The following NT5DC1 variants were observed in gnomAD, a reference collection of about 807,000 sequenced individuals.
NT5DC1 encodes 5'-nucleotidase domain-containing protein 1.
A neutral mutation model predicts 59.4 loss-of-function variants in NT5DC1; 42 were observed. That is an observed-to-expected ratio of 0.71 (90% CI 0.55 to 0.92). NT5DC1 has a LOEUF of 0.92. Ranked by LOEUF, NT5DC1 falls within the 40% of genes least tolerant of loss-of-function variation. The pLI is 0.00. For synonymous variants in NT5DC1, 172 were observed against 188.1 expected, an observed-to-expected ratio of 0.91 and a Z score of 0.70; for missense variants, 501 against 537.1, an observed-to-expected ratio of 0.93 and a Z score of 0.66.
intron 6 of NT5DC1, chr6:116,121,015 A>C: frequency 3.1e-6 from 5 of 1,613,824 alleles, no homozygotes; most frequent in Non-Finnish European, 3.4e-6. Context: ...CTGCAGGCCC[A>C]GCTGGCCCTG....
chr6:116,215,151 C>G (rs1311701845), intron 6 of NT5DC1, among the ~76,000 whole-genome samples: 1 of 152,090 alleles, frequency 6.6e-6, no homozygotes, highest in Non-Finnish European at 1.5e-5. Flanking sequence ...GCTCTACAAT[C>G]TAATCACCTA....
rs140973267 is a variant in NT5DC1, at chr6:116,170,839, G to T, written c.530-50215G>T. Among the ~76,000 whole-genome samples, 20 of 152,194 alleles carry T rather than the reference G, an allele frequency of 1.3e-4. No individual in the cohort carries two copies. The South Asian group carries it at 3.7e-3, about 28-fold the overall frequency. On this transcript the variant is annotated intron_variant, in intron 6 of 11. Transcript: ENST00000319550. The stretch of plus-strand genomic sequence containing the variant: ...CTTGCAGTTCTCACTCCCACCTGCC[G>T]TGTAGCCTATCCTCATTATCTGTCA...
chr6:116,240,553 G>T (rs1055072709), intron 11 of NT5DC1, among the ~76,000 whole-genome samples: 2 of 151,508 alleles, frequency 1.3e-5, no homozygotes, highest in Non-Finnish European at 2.9e-5. Flanking sequence ...GGAGATGAGA[G>T]AATAAGTGAG....
At position 116,116,566 on chromosome 6, in the gene NT5DC1, C is replaced by T. The variant is rs369135101; in HGVS notation, c.444+796C>T. Among the ~76,000 whole-genome samples, 73 of 152,162 alleles carry T rather than the reference C, an allele frequency of 4.8e-4. 1 individual carries two copies. Among genetic ancestry groups the T allele is most frequent in the Middle Eastern group, 3.4e-3 (1 of 294 alleles). On this transcript the variant is annotated intron_variant, in intron 5 of 11. Transcript: ENST00000319550. ...CTGAGGCAGGAGAATTGCTTAAACC[C>T]GGGAGGCAGATGTTGCAGTGAGCCG...
rs531748734 is a variant in NT5DC1 at position 116,171,433 on chromosome 6, C to T, written c.530-49621C>T. Among the ~76,000 whole-genome samples, 11 of 152,194 alleles carry T rather than the reference C, an allele frequency of 7.2e-5. No individual in the cohort carries two copies. In the South Asian group the frequency reaches 2.3e-3, roughly 32 times the overall value. ...TTGGAATATACTTTATAAAAAAAGC[C>T]AGGCTGTGCAAGTGTTAGTGGTGGT... On this transcript the variant is annotated intron_variant, in intron 6 of 11. Transcript: ENST00000319550.
chr6:116,119,160 C>A (rs1308473025), intron 6 of NT5DC1: 2 of 152,612 alleles, frequency 1.3e-5, no homozygotes, highest in African/African-American at 4.8e-5. Flanking sequence ...AATAATATAT[C>A]TCCACTTCTA....
chr6:116,239,783 A>G (rs1782188442), intron 11 of NT5DC1, among the ~76,000 whole-genome samples: 1 of 152,214 alleles, frequency 6.6e-6, no homozygotes, highest in Non-Finnish European at 1.5e-5. Flanking sequence ...ATTTCTAAAA[A>G]CAATTCATAT....
intron 6 of NT5DC1, among the ~76,000 whole-genome samples, chr6:116,174,810 A>G (rs1441302895): frequency 2.0e-5 from 3 of 152,206 alleles, no homozygotes. Context: ...CACTGGTACC[A>G]TAAAGCATGG....
chr6:116,231,130 CTA>C (rs1782011033), intron 8 of NT5DC1, among the ~76,000 whole-genome samples: 1 of 109,480 alleles, frequency 9.1e-6, no homozygotes, highest in Non-Finnish European at 1.8e-5. Flanking sequence ...AAAAAAAGAA[CTA>C]TGAATGAATG....
intron 1 of NT5DC1, among the ~76,000 whole-genome samples, chr6:116,103,791 GT>G: frequency 6.6e-6 from 1 of 152,272 alleles, no homozygotes; most frequent in Admixed American, 6.5e-5. Context: ...ATGACACATG[GT>G]TTCTCCTCTC....
chr6:116,165,763 A>C (rs749033885), intron 6 of NT5DC1, among the ~76,000 whole-genome samples: 14 of 152,298 alleles, frequency 9.2e-5, no homozygotes, highest in Non-Finnish European at 1.5e-4. Flanking sequence ...CTTAGGGCTG[A>C]ATGTCTGGAA....
In NT5DC1 at chr6:116,238,187, G is replaced by A. The variant is rs762242831; in HGVS notation, c.922G>A (p.Val308Ile). The A allele has an allele frequency of 6.2e-7, 1 of 1,606,488 alleles. No homozygotes were observed. The highest frequency in any genetic ancestry group is 2.2e-5 in the East Asian group (1 of 44,492). Residue 308 changes from valine to isoleucine, a missense_variant and splice_region_variant, in exon 10 of 12, where the codon GTT (valine) becomes ATT (isoleucine). Coordinates refer to ENST00000319550, the MANE Select transcript of NT5DC1 (RefSeq NM_152729.3). ...ACAGCATCTGCTATCTGTCTTACAG[G>A]TTGTTTATTTTGGTGACAGCATGCA... The part of the protein sequence containing the change: ...KKMTGKPEPK[V>I]VYFGDSMHSD...
intron 11 of NT5DC1, among the ~76,000 whole-genome samples, chr6:116,242,412 A>G (rs142880120): frequency 3.3e-5 from 5 of 152,238 alleles, no homozygotes; most frequent in Admixed American, 3.3e-4. Flanking sequence ...TATCTGAGAC[A>G]TAAGGATTCA....
intron 6 of NT5DC1, among the ~76,000 whole-genome samples, chr6:116,201,445 G>A (rs1180598220): frequency 1.3e-5 from 2 of 151,950 alleles, no homozygotes; most frequent in East Asian, 1.9e-4. Flanking sequence ...TCTGTAATCC[G>A]TTGGTGGAGA....
Position 116,115,682 on chromosome 6 carries a change from C to G in NT5DC1, c.365-9C>G, listed in dbSNP as rs763200056. The stretch of plus-strand genomic sequence containing the variant: ...GTTGTTCCCAGTTTAAAATTTTGTT[C>G]TTTTTTAGGAAAGTATTACTTTTAC... On this transcript the variant is annotated splice_polypyrimidine_tract_variant and intron_variant, in intron 4 of 11. Coordinates refer to ENST00000319550, the MANE Select transcript of NT5DC1 (RefSeq NM_152729.3). 1 of 1,509,550 alleles carries G rather than the reference C, an allele frequency of 6.6e-7. No homozygotes were observed. The highest frequency in any genetic ancestry group is 9.2e-7 in the Non-Finnish European group (1 of 1,085,594). The allele number at this position is 1,509,550 out of a possible 1,614,324, so 93.5% of individuals were successfully genotyped here.
intron 2 of NT5DC1, 67 bp from the exon 3 acceptor site, chr6:116,108,297 A>G (rs1778804907): frequency 1.0e-6 from 1 of 963,150 alleles, no homozygotes; most frequent in East Asian, 2.4e-5. Flanking sequence ...TTTGGAAAAT[A>G]TAGGTTGTTA....
At chr6:116,208,695 G>C (rs1781510074) in intron 6 of NT5DC1, among the ~76,000 whole-genome samples, 1 of 152,034 alleles carries the variant, frequency 6.6e-6, no homozygotes, top group South Asian at 2.1e-4. Context: ...CCCTAGGCTT[G>C]TAGTGTCTTT....
intron 6 of NT5DC1, among the ~76,000 whole-genome samples, chr6:116,174,018 GCC>G (rs1780676811): frequency 6.6e-6 from 1 of 152,128 alleles, no homozygotes; most frequent in Admixed American, 6.5e-5. Context: ...TTTATAAAAT[GCC>G]CCTCCATTTG....
chr6:116,144,373 C>T (rs752346456), intron 6 of NT5DC1, among the ~76,000 whole-genome samples: 15 of 151,988 alleles, frequency 9.9e-5, no homozygotes, highest in Non-Finnish European at 1.6e-4. Flanking sequence ...TGATGGTGCA[C>T]GCCTGTAGTC....
Sources: gnomAD v4.1 joint callset for allele counts (sites outside exome capture counted in the v4.1 genomes callset) on GRCh38, gnomAD v4.1.1 for gene constraint, MANE v1.5 for transcripts, NCBI Gene and HGNC (gene_info 2026-07-23, HGNC 2026-07-21) for gene names.